Variants in P2RY14 observed in about 807,000 individuals in gnomAD.
P2RY14 encodes the protein P2Y purinoceptor 14.
P2RY14 carries 2 observed loss-of-function variants against 0.9 expected under a neutral mutation model. The ratio of observed to expected loss-of-function variants is 2.16; its 90% CI spans 0.88 to 6.79. The LOEUF (loss-of-function observed/expected upper bound fraction) is 6.79, where lower values mean the gene tolerates loss of function less well. P2RY14 is among the 30% of genes most tolerant of loss of function. The pLI, the probability that P2RY14 is intolerant of heterozygous loss-of-function variation, is 0.05. For missense variants in P2RY14, 378 were observed against 400.1 expected (o/e 0.94, Z 0.47); for synonymous variants, 158 against 147.2 (o/e 1.07, Z -0.53).
intron 1 of P2RY14, among the ~76,000 whole-genome samples, chr3:151,224,205 T>G (rs534579692): frequency 8.5e-4 from 129 of 152,358 alleles, no homozygotes; most frequent in African/African-American, 3.0e-3. Context: ...TTCTTCCTCT[T>G]CTTTTTTCAG....
chr3:151,267,912 T>TA (rs1288008159), intron 1 of P2RY14, among the ~76,000 whole-genome samples: 1 of 152,124 alleles, frequency 6.6e-6, no homozygotes, highest in Non-Finnish European at 1.5e-5. Context: ...GTACGTAGAG[T>TA]ATTTTATCAG....
At chr3:151,244,801 A>C (rs537649089) in intron 1 of P2RY14, among the ~76,000 whole-genome samples, 1 of 152,286 alleles carries the variant, frequency 6.6e-6, no homozygotes, top group South Asian at 2.1e-4. Context: ...GTCACAAAAA[A>C]CCCTTCAAAA....
chr3:151,253,757 CCT>C (rs1440762489), intron 1 of P2RY14, among the ~76,000 whole-genome samples: 1 of 151,998 alleles, frequency 6.6e-6, no homozygotes, highest in Non-Finnish European at 1.5e-5. Flanking sequence ...TTTTTTGCAG[CCT>C]CTCTCATCCA....
chr3:151,233,127 C>T (rs567059449), intron 1 of P2RY14, among the ~76,000 whole-genome samples: 19 of 152,246 alleles, frequency 1.2e-4, no homozygotes, highest in Admixed American at 1.1e-3. Context: ...TTCCCCTCCT[C>T]CCCTGAACAT....
In P2RY14 at chr3:151,214,307, A is replaced by T; in HGVS notation, c.10T>A (p.Ser4Thr). Residue 4 changes from serine to threonine, a missense_variant, in exon 3 of 3, where the codon TCA becomes ACA. Ser to Thr is a moderately conservative substitution (Grantham distance 58). Transcript: ENST00000309170. MIN[S>T]TSTQPPDESC... is the part of the protein sequence containing the mutation. ...TCATCTGGAGGCTGTGTGGAGGTTG[A>T]ATTGATCATCTTGTAACTTCTGAAG... 1 of 1,612,640 alleles carries T rather than the reference A, an allele frequency of 6.2e-7. No individual in the cohort carries two copies. The highest frequency in any genetic ancestry group is 2.2e-5 in the East Asian group (1 of 44,860).
At chr3:151,226,463 A>G (rs1730512576) in intron 1 of P2RY14, among the ~76,000 whole-genome samples, 1 of 152,238 alleles carries the variant, frequency 6.6e-6, no homozygotes, top group South Asian at 2.1e-4. Context: ...ACATAGCCAG[A>G]CAGTATTCAA....
At chr3:151,230,302 T>C (rs1327041557) in intron 1 of P2RY14, among the ~76,000 whole-genome samples, 1 of 152,202 alleles carries the variant, frequency 6.6e-6, no homozygotes, top group Non-Finnish European at 1.5e-5. Context: ...TGCGTGTCTG[T>C]TTTAGAACAT....
At chr3:151,252,001 G>A (rs1736941156) in intron 1 of P2RY14, among the ~76,000 whole-genome samples, 2 of 152,098 alleles carry the variant, frequency 1.3e-5, no homozygotes, top group Admixed American at 1.3e-4. Flanking sequence ...ACATAACTGT[G>A]TAATTTGTCT....
intron 1 of P2RY14, among the ~76,000 whole-genome samples, chr3:151,238,010 G>A (rs2149362270): frequency 6.6e-6 from 1 of 152,178 alleles, no homozygotes; most frequent in Non-Finnish European, 1.5e-5. Context: ...CACTTTTAAA[G>A]TTATATTTCA....
Position 151,214,031 on chromosome 3 carries a change from C to A in P2RY14, c.286G>T (p.Val96Phe). 6.2e-7 allele frequency: 1 copy of A among 1,614,124 alleles called. No homozygotes were observed. Among genetic ancestry groups the A allele is most frequent in the Non-Finnish European group, 8.5e-7 (1 of 1,180,006 alleles). ...TTGACGTAGAAGAGCACGGCAGAGA[C>A]CCTGCACACAAACACGTTCAGCTGC... ...PWQLNVFVCR[V>F]SAVLFYVNMY... The change falls in exon 3 of 3, where the codon GTC (valine) becomes TTC (phenylalanine). Residue 96 changes from valine (V) to phenylalanine (F), a missense_variant. Physicochemically the swap from Val to Phe is conservative, Grantham distance 50. Coordinates refer to ENST00000309170, the MANE Select transcript of P2RY14 (RefSeq NM_014879.4).
intron 1 of P2RY14, among the ~76,000 whole-genome samples, chr3:151,247,962 C>CTTTTTTTTTTTTTTTTTTTTTT (rs61102632): frequency 4.6e-4 from 35 of 75,894 alleles, no homozygotes; most frequent in Non-Finnish European, 6.9e-4. Context: ...TCTTCTTCTT[C>CTTTTTTTTTTTTTTTTTTTTTT]TTTTTTTTTT....
At chr3:151,225,411 C>T (rs950255009) in intron 1 of P2RY14, among the ~76,000 whole-genome samples, 2 of 152,130 alleles carry the variant, frequency 1.3e-5, no homozygotes, top group African/African-American at 2.4e-5. Flanking sequence ...TGAGGCCTTC[C>T]TGCTGCATCA....
intron 1 of P2RY14, among the ~76,000 whole-genome samples, chr3:151,220,721 C>T (rs1046133260): frequency 6.6e-6 from 1 of 152,198 alleles, no homozygotes; most frequent in African/African-American, 2.4e-5. Context: ...TGAGGCCTCC[C>T]ACCATGTGGA....
chr3:151,232,618 ATG>A (rs1308492597), intron 1 of P2RY14, among the ~76,000 whole-genome samples: 2 of 152,250 alleles, frequency 1.3e-5, no homozygotes, highest in African/African-American at 4.8e-5. Context: ...TAAAAAAAGA[ATG>A]AGATCATGTC....
At chr3:151,271,211 A>G (rs1036750823) in intron 1 of P2RY14, among the ~76,000 whole-genome samples, 9 of 152,210 alleles carry the variant, frequency 5.9e-5, no homozygotes, top group Non-Finnish European at 1.2e-4. Context: ...TGCTGAAAAG[A>G]TGCAAACAAA....
chr3:151,248,095 A>C (rs1177008021), intron 1 of P2RY14, among the ~76,000 whole-genome samples: 1 of 151,770 alleles, frequency 6.6e-6, no homozygotes, highest in Non-Finnish European at 1.5e-5. Flanking sequence ...AAACTACACA[A>C]TAATATTCCT....
chr3:151,212,386 T>C lies in P2RY14; in HGVS notation c.*914A>G, dbSNP rs1372631696. 2 of 152,244 alleles carry C rather than the reference T, an allele frequency of 1.3e-5. No individual in the cohort carries two copies. The highest frequency in any genetic ancestry group is 3.8e-4 in the East Asian group (2 of 5,198). 9.4% of individuals were successfully genotyped at this position (152,244 alleles called of 1,614,324 possible). ...ATTTTGCACTCATTAATGTAAATTT[T>C]AGATTTAAAAAAATCAAGTTTATTT... On this transcript the variant is annotated 3_prime_UTR_variant, in exon 3 of 3. Coordinates refer to ENST00000309170, the MANE Select transcript of P2RY14 (RefSeq NM_014879.4).
intron 1 of P2RY14, among the ~76,000 whole-genome samples, chr3:151,238,243 T>A (rs537247127): frequency 3.2e-4 from 48 of 152,096 alleles, no homozygotes; most frequent in Admixed American, 9.2e-4. Flanking sequence ...GCCTCCCAGG[T>A]TCAAGCAATT....
chr3:151,260,182 G>A (rs998868988), intron 1 of P2RY14, among the ~76,000 whole-genome samples: 2 of 152,034 alleles, frequency 1.3e-5, no homozygotes, highest in Non-Finnish European at 2.9e-5. Context: ...TAATGGACAC[G>A]GTGTTTAAAA....
Sources: gnomAD v4.1 joint callset for allele counts (sites outside exome capture counted in the v4.1 genomes callset) on GRCh38, gnomAD v4.1.1 for gene constraint, MANE v1.5 for transcripts, NCBI Gene and HGNC (gene_info 2026-07-23, HGNC 2026-07-21) for gene names.